The following FRY variants were observed in gnomAD, a reference collection of about 807,000 sequenced individuals.
FRY encodes FRY microtubule binding protein.
Under a neutral mutation model 348.4 loss-of-function variants are expected in FRY, and 128 were observed. The ratio of observed to expected loss-of-function variants is 0.37; its 90% CI spans 0.32 to 0.43. FRY has a LOEUF of 0.43. FRY is among the 20% of genes least tolerant of loss of function. The pLI is 1.00. For synonymous variants in FRY, 1,370 were observed against 1,374.7 expected (o/e 1.00, Z 0.08); for missense variants, 2,736 against 3,695.2 (o/e 0.74, Z 6.73).
intron 31 of FRY, among the ~76,000 whole-genome samples, chr13:32,207,510 C>T (rs543020972): frequency 6.4e-4 from 98 of 152,294 alleles, no homozygotes; most frequent in South Asian, 1.2e-3. Flanking sequence ...ATGTCTAGCA[C>T]AGTGGCTTGC....
chr13:32,215,793 C>T (rs146978253), intron 35 of FRY, among the ~76,000 whole-genome samples: 98 of 152,248 alleles, frequency 6.4e-4, no homozygotes, highest in African/African-American at 2.0e-3. Context: ...TGGTCTCAAA[C>T]TCCTGGGCTC....
intron 29 of FRY, among the ~76,000 whole-genome samples, chr13:32,200,380 GT>G (rs1002384189): frequency 6.6e-6 from 1 of 152,188 alleles, no homozygotes; most frequent in African/African-American, 2.4e-5. Flanking sequence ...CCTGAAGTTT[GT>G]TTGAAAATAA....
At chr13:32,294,911 A>G (rs1889558939) in intron 60 of FRY, among the ~76,000 whole-genome samples, 1 of 152,224 alleles carries the variant, frequency 6.6e-6, no homozygotes, top group African/African-American at 2.4e-5. Context: ...AGAAGGCTAT[A>G]GCAAATAAGG....
intron 19 of FRY, 26 bp downstream of exon 19, chr13:32,173,575 C>T: frequency 1.3e-6 from 2 of 1,546,770 alleles, no homozygotes; most frequent in Non-Finnish European, 1.8e-6. Flanking sequence ...CTGAATTTTT[C>T]CATTTCTTAC....
At chr13:32,109,141 C>T (rs1325445695) in intron 3 of FRY, among the ~76,000 whole-genome samples, 2 of 151,848 alleles carry the variant, frequency 1.3e-5, no homozygotes, top group African/African-American at 4.8e-5. Flanking sequence ...CGATTATAAG[C>T]AAAATTATAT....
chr13:32,173,373 G>T lies in FRY; in HGVS notation c.2158G>T (p.Ala720Ser), dbSNP rs1010463211. Residue 720 changes from alanine to serine, a missense_variant, in exon 19 of 61, where the codon GCA becomes TCA. Physicochemically the swap from Ala to Ser is moderately conservative, Grantham distance 99. This residue lies in a region of FRY where 449 missense variants were observed against 576.9 expected (regional missense o/e 0.78). Transcript: ENST00000542859. ...ANKIRNSELI[A>S]NGSSHRIQSE... ...TGTTCTTATTGCATAACAGCTCATCGCAAATGGCTCCAGTCACAGAATTCA... is the reference window on the plus strand; with the variant it reads ...TGTTCTTATTGCATAACAGCTCATCTCAAATGGCTCCAGTCACAGAATTCA... 6.2e-7 allele frequency: 1 copy of T among 1,610,482 alleles called. No homozygotes were observed. The highest frequency in any genetic ancestry group is 1.7e-5 in the Admixed American group (1 of 60,010).
chr13:32,142,418 C>A (rs899168592), intron 11 of FRY, among the ~76,000 whole-genome samples: 7 of 152,190 alleles, frequency 4.6e-5, no homozygotes, highest in African/African-American at 9.7e-5. Context: ...CCTGCCCTGG[C>A]AAGCACCATG....
intron 10 of FRY, among the ~76,000 whole-genome samples, chr13:32,136,222 G>A (rs1879706787): frequency 6.6e-6 from 1 of 152,082 alleles, no homozygotes; most frequent in Admixed American, 6.6e-5. Context: ...TTTTTCGGTG[G>A]CTGTTCATTA....
intron 22 of FRY, among the ~76,000 whole-genome samples, chr13:32,179,273 C>T (rs1240518609): frequency 6.6e-6 from 1 of 152,108 alleles, no homozygotes; most frequent in Non-Finnish European, 1.5e-5. Flanking sequence ...CATAGAGTGA[C>T]TTGTATTTAT....
chr13:32,119,302 T>G (rs1039092082), intron 4 of FRY, among the ~76,000 whole-genome samples: 4 of 152,212 alleles, frequency 2.6e-5, no homozygotes, highest in East Asian at 3.8e-4. Context: ...AAAATAGATG[T>G]CAGGGATGCA....
At position 32,238,002 on chromosome 13, in the gene FRY, T is replaced by C. The variant is rs1886304099; in HGVS notation, c.6418+16T>C. ...CACGCTATTGGTAAAGCCAGCCTCG[T>C]TCACCCTGTCTCAATTCTGATGGTG... On this transcript the variant is annotated intron_variant, in intron 44 of 60. Coordinates refer to ENST00000542859, the MANE Select transcript of FRY (RefSeq NM_023037.3). 6.2e-7 allele frequency: 1 copy of C among 1,612,044 alleles called. No homozygotes were observed. The highest frequency in any genetic ancestry group is 1.7e-5 in the Admixed American group (1 of 59,996).
chr13:32,217,029 G>T (rs1049137484), intron 35 of FRY, among the ~76,000 whole-genome samples: 1 of 152,176 alleles, frequency 6.6e-6, no homozygotes, highest in Non-Finnish European at 1.5e-5. Flanking sequence ...GGGACAAGAT[G>T]GGCATCTTAA....
chr13:32,228,913 T>C (rs777141827), intron 40 of FRY, among the ~76,000 whole-genome samples: 5 of 152,166 alleles, frequency 3.3e-5, no homozygotes, highest in Non-Finnish European at 4.4e-5. Context: ...TTGTGGATAA[T>C]GATGATGCAG....
At chr13:32,155,207 G>T (rs1470356884) in intron 14 of FRY, among the ~76,000 whole-genome samples, 1 of 152,118 alleles carries the variant, frequency 6.6e-6, no homozygotes, top group African/African-American at 2.4e-5. Context: ...ATCTTTTAGA[G>T]ATACACTCAG....
intron 4 of FRY, among the ~76,000 whole-genome samples, chr13:32,123,282 T>A (rs1310525749): frequency 6.6e-6 from 1 of 152,160 alleles, no homozygotes; most frequent in Admixed American, 6.5e-5. Flanking sequence ...ACTACCTGAT[T>A]TCAAATTATA....
At position 32,267,350 on chromosome 13, in the gene FRY, C is replaced by G; in HGVS notation, c.8127C>G (p.Ser2709=). ...TGTATACATTTCATGTGTTCTCCTC[C>G]TTGTTTAAGGTATGTGTGCTCACTG... ...CAVYTFHVFS[S]LFKNIQKRFC... Residue 2709 remains serine (S), a synonymous_variant, in exon 55 of 61, where the codon TCC becomes TCG. Coordinates refer to ENST00000542859, the MANE Select transcript of FRY (RefSeq NM_023037.3). 6.2e-7 allele frequency: 1 copy of G among 1,613,864 alleles called. No individual in the cohort carries two copies. The highest frequency in any genetic ancestry group is 1.3e-5 in the African/African-American group (1 of 75,054).
chr13:32,184,777 T>C, intron 25 of FRY, 86 bp downstream of exon 25: 1 of 1,057,156 alleles, frequency 9.5e-7, no homozygotes, highest in Non-Finnish European at 1.5e-6. Context: ...TGTCTTTTCT[T>C]TGTTTTTAAA....
At chr13:32,212,562 A>C (rs1053874481) in intron 35 of FRY, among the ~76,000 whole-genome samples, 180 bp downstream of exon 35, 12 of 152,196 alleles carry the variant, frequency 7.9e-5, no homozygotes, top group African/African-American at 2.9e-4. Context: ...GATAACAGTT[A>C]TTTCTGTGCA....
At chr13:32,261,533 C>A in intron 51 of FRY, 83 bp from the exon 52 acceptor site, 1 of 1,155,108 alleles carries the variant, frequency 8.7e-7, no homozygotes, top group Non-Finnish European at 1.3e-6. Context: ...ATATTTGTTC[C>A]CAAGCTATGA....
Sources: allele counts gnomAD v4.1 joint callset (sites outside exome capture counted in the v4.1 genomes callset), GRCh38; gene constraint gnomAD v4.1.1; regional missense constraint gnomAD v4.1.1; transcripts MANE v1.5; gene names NCBI Gene and HGNC (gene_info 2026-07-23, HGNC 2026-07-21).